Variants in RGS6 observed in about 807,000 individuals in gnomAD.
RGS6 encodes the protein regulator of G protein signaling 6.
A neutral mutation model predicts 78.5 loss-of-function variants in RGS6; 30 were observed. That is an observed-to-expected ratio of 0.38 (90% CI 0.29 to 0.52). RGS6 has a LOEUF of 0.52. Among genes scored for constraint, RGS6 ranks in the 20% least tolerant of loss-of-function variants. The pLI, the probability that RGS6 is intolerant of heterozygous loss-of-function variation, is 0.85. For synonymous variants in RGS6, 206 were observed against 206.0 expected (o/e 1.00, Z 0.00); for missense variants, 495 against 609.7 (o/e 0.81, Z 1.98).
intron 2 of RGS6, among the ~76,000 whole-genome samples, chr14:72,042,946 AGT>A (rs1491334424): frequency 6.6e-6 from 1 of 152,142 alleles, no homozygotes; most frequent in African/African-American, 2.4e-5. Context: ...AAAGTGTGAG[AGT>A]GTTACATTGC....
intron 2 of RGS6, among the ~76,000 whole-genome samples, chr14:72,197,685 A>G (rs1027538953): frequency 3.3e-5 from 5 of 152,192 alleles, no homozygotes; most frequent in East Asian, 1.9e-4. Flanking sequence ...ATCAGAAGAC[A>G]TGGCATCTCG....
At chr14:72,448,952 A>T (rs1208836691) in intron 3 of RGS6, among the ~76,000 whole-genome samples, 2 of 152,174 alleles carry the variant, frequency 1.3e-5, no homozygotes, top group Admixed American at 1.3e-4. Flanking sequence ...TCAAGATAAC[A>T]TGCGATAACA....
intron 3 of RGS6, among the ~76,000 whole-genome samples, chr14:72,454,182 G>T (rs1597744795): frequency 6.6e-6 from 1 of 152,194 alleles, no homozygotes. Flanking sequence ...TGATGGTAGG[G>T]AGCTGATGAG....
At chr14:72,517,305 C>T (rs2096961323) in intron 14 of RGS6, among the ~76,000 whole-genome samples, 1 of 152,180 alleles carries the variant, frequency 6.6e-6, no homozygotes, top group Non-Finnish European at 1.5e-5. Flanking sequence ...CAGCACAGGA[C>T]CTACTCTCTT....
At chr14:72,167,818 A>G (rs887015062) in intron 2 of RGS6, among the ~76,000 whole-genome samples, 1 of 152,190 alleles carries the variant, frequency 6.6e-6, no homozygotes, top group Non-Finnish European at 1.5e-5. Context: ...TATAATAGCT[A>G]ATATTAAATA....
intron 2 of RGS6, among the ~76,000 whole-genome samples, chr14:71,988,877 C>A (rs373291174): frequency 7.2e-5 from 11 of 152,136 alleles, no homozygotes; most frequent in Non-Finnish European, 2.9e-5. Context: ...ATATACAAGA[C>A]CTGCCATTCA....
intron 3 of RGS6, among the ~76,000 whole-genome samples, chr14:72,443,052 G>A (rs947248762): frequency 1.3e-5 from 2 of 152,184 alleles, no homozygotes; most frequent in African/African-American, 4.8e-5. Context: ...GCAAAGGCCT[G>A]GGGAGATGGG....
intron 3 of RGS6, among the ~76,000 whole-genome samples, chr14:72,398,659 G>A (rs1347288061): frequency 6.6e-6 from 1 of 152,062 alleles, no homozygotes; most frequent in Non-Finnish European, 1.5e-5. Context: ...GTCAATTTTA[G>A]ACCTTTCATG....
At chr14:72,392,171 TAC>T (rs1298383361) in intron 3 of RGS6, among the ~76,000 whole-genome samples, 2 of 148,800 alleles carry the variant, frequency 1.3e-5, no homozygotes, top group Non-Finnish European at 2.9e-5. Context: ...AATATATATA[TAC>T]ACATACATAC....
At chr14:72,375,029 T>TAAACAAAG (rs1263237634) in intron 3 of RGS6, among the ~76,000 whole-genome samples, 24 of 152,190 alleles carry the variant, frequency 1.6e-4, no homozygotes, top group African/African-American at 5.5e-4. Flanking sequence ...GTTGATAAAC[T>TAAACAAAG]AGAAGATAAA....
intron 3 of RGS6, among the ~76,000 whole-genome samples, chr14:72,368,527 A>G (rs920140372): frequency 3.9e-5 from 6 of 152,206 alleles, no homozygotes; most frequent in African/African-American, 1.4e-4. Flanking sequence ...ATAACGTGCG[A>G]TGATGGATGG....
intron 2 of RGS6, among the ~76,000 whole-genome samples, chr14:72,290,100 A>C (rs1442015403): frequency 6.6e-6 from 1 of 152,240 alleles, no homozygotes; most frequent in Non-Finnish European, 1.5e-5. Flanking sequence ...GAAAAACAGA[A>C]TAGAGAAATC....
Position 72,033,179 on chromosome 14 carries a change from A to G in RGS6, c.84+68304A>G, listed in dbSNP as rs551070481. ...TAGCAAAGTGTTAAAATTGTCATAT[A>G]ATTTATTAAATACTGTACCAATAGT... is the stretch of plus-strand genomic sequence containing the variant. On this transcript the variant is annotated intron_variant, in intron 2 of 17. Coordinates refer to ENST00000553525, the MANE Select transcript of RGS6 (RefSeq NM_001204424.2). 1.4e-4 allele frequency among the ~76,000 whole-genome samples: 22 copies of G among 152,312 alleles called. No homozygotes were observed. In the South Asian group the frequency reaches 2.7e-3, roughly 19 times the overall value.
intron 2 of RGS6, among the ~76,000 whole-genome samples, chr14:72,117,406 C>G (rs1308480337): frequency 1.3e-5 from 2 of 152,088 alleles, no homozygotes; most frequent in Non-Finnish European, 2.9e-5. Context: ...CTTGCTCCAG[C>G]TCTCCCCATG....
intron 2 of RGS6, among the ~76,000 whole-genome samples, chr14:72,129,278 G>T (rs181923030): frequency 6.6e-6 from 1 of 152,214 alleles, no homozygotes; most frequent in Non-Finnish European, 1.5e-5. Context: ...ATTCGGCTGA[G>T]AGCTCCCGGA....
the RGS6 span, among the ~76,000 whole-genome samples, chr14:71,882,875 C>T: frequency 6.6e-6 from 1 of 152,266 alleles, no homozygotes; most frequent in East Asian, 1.9e-4. Flanking sequence ...CTTCACCTAC[C>T]AGATGTTTCC....
At chr14:72,132,064 T>C (rs552600933) in intron 2 of RGS6, among the ~76,000 whole-genome samples, 4 of 152,350 alleles carry the variant, frequency 2.6e-5, no homozygotes, top group South Asian at 4.1e-4. Flanking sequence ...TTACATAGCT[T>C]TATTACAGTG....
chr14:72,320,437 G>A (rs1345682843), intron 2 of RGS6, among the ~76,000 whole-genome samples: 5 of 152,012 alleles, frequency 3.3e-5, no homozygotes, highest in African/African-American at 7.2e-5. Context: ...AATTAGCTGG[G>A]CGTGGTGGCG....
intron 3 of RGS6, among the ~76,000 whole-genome samples, chr14:72,390,761 C>T (rs1466516625): frequency 1.3e-5 from 2 of 152,178 alleles, no homozygotes; most frequent in Non-Finnish European, 2.9e-5. Flanking sequence ...GTTCAACACT[C>T]GTTTTACAAG....
Sources: allele counts gnomAD v4.1 joint callset (sites outside exome capture counted in the v4.1 genomes callset), GRCh38; gene constraint gnomAD v4.1.1; transcripts MANE v1.5; gene names NCBI Gene and HGNC (gene_info 2026-07-23, HGNC 2026-07-21).